Variants in PDE9A observed in about 807,000 individuals in gnomAD.
PDE9A encodes phosphodiesterase 9A.
A neutral mutation model predicts 87.4 loss-of-function variants in PDE9A; 60 were observed. That is an observed-to-expected ratio of 0.69 (90% CI 0.56 to 0.85). The LOEUF is 0.85. Among genes scored for constraint, PDE9A ranks in the 40% least tolerant of loss-of-function variants. The probability of loss-of-function intolerance (pLI) is 0.00; values close to 1 mark genes in which losing one functional copy is unlikely to be tolerated. For synonymous variants in PDE9A, 272 were observed against 279.4 expected (o/e 0.97, Z 0.27); for missense variants, 665 against 779.0 (o/e 0.85, Z 1.74).
At position 42,705,850 on chromosome 21, in the gene PDE9A, C is replaced by G. The variant is rs534826891; in HGVS notation, c.262+6839C>G. Among the ~76,000 whole-genome samples the G allele has an allele frequency of 6.6e-6, 1 of 152,254 alleles. No homozygotes were observed. The highest frequency in any genetic ancestry group is 1.9e-4 in the East Asian group (1 of 5,180). On this transcript the variant is annotated intron_variant, in intron 4 of 19. Transcript: ENST00000291539. This position sits in a 1 kb window ranked among gnomAD's most constrained non-coding sequence, Gnocchi z 4.3. ...GGACCTGTCTCTAGTCACACACACC[C>G]TGTTCAGCCTCTGCATCTGGCCCCC...
rs201186724 is a variant in PDE9A at position 42,705,479 on chromosome 21, ATTGGG to A, written c.262+6470_262+6474del. On this transcript the variant is annotated intron_variant, in intron 4 of 19. Transcript: ENST00000291539. This position sits in a 1 kb window ranked among gnomAD's most constrained non-coding sequence, Gnocchi z 4.3. ...GGCAGGGGAGATGCCTGTGATGAGG[ATTGGG>A]TGCTGTGATCACAGCACGCGGGAAA... 7.8e-3 allele frequency among the ~76,000 whole-genome samples: 1,190 copies of A among 152,082 alleles called. 10 individuals are homozygous for A. The highest frequency in any genetic ancestry group is 0.031 in the Middle Eastern group (9 of 292).
intron 7 of PDE9A, among the ~76,000 whole-genome samples, chr21:42,742,732 T>G (rs1213154977): frequency 6.6e-6 from 1 of 152,116 alleles, no homozygotes; most frequent in Non-Finnish European, 1.5e-5. Flanking sequence ...CCCAAAGTGC[T>G]GGGATTACAG....
At chr21:42,746,792 G>A (rs2053899558) in intron 8 of PDE9A, among the ~76,000 whole-genome samples, 1 of 152,204 alleles carries the variant, frequency 6.6e-6, no homozygotes. Context: ...GGGCTGTGGG[G>A]GGCACCTGGG....
chr21:42,740,334 T>G (rs2052990925), intron 7 of PDE9A, among the ~76,000 whole-genome samples: 1 of 151,730 alleles, frequency 6.6e-6, no homozygotes, highest in Non-Finnish European at 1.5e-5. Flanking sequence ...GACCCTGTTA[T>G]TCAGGAGGCT....
intron 17 of PDE9A, among the ~76,000 whole-genome samples, chr21:42,769,397 G>GCA (rs369718563): frequency 9.2e-6 from 1 of 109,114 alleles, no homozygotes; most frequent in Non-Finnish European, 1.8e-5. Flanking sequence ...GCACACAAAT[G>GCA]CACACACACG....
At chr21:42,755,064 C>T (rs984800005) in intron 10 of PDE9A, among the ~76,000 whole-genome samples, 1 of 152,204 alleles carries the variant, frequency 6.6e-6, no homozygotes, top group Non-Finnish European at 1.5e-5. Context: ...CCTCTTTTCA[C>T]ACCCCAAAAA....
At chr21:42,744,309 C>T (rs1014822619) in intron 8 of PDE9A, among the ~76,000 whole-genome samples, 4 of 152,116 alleles carry the variant, frequency 2.6e-5, no homozygotes, top group African/African-American at 9.6e-5. Flanking sequence ...GCCGAGATCG[C>T]GCCACTGCAC....
intron 1 of PDE9A, among the ~76,000 whole-genome samples, chr21:42,684,340 A>T (rs926087874): frequency 3.3e-5 from 5 of 152,152 alleles, no homozygotes; most frequent in African/African-American, 1.2e-4. Flanking sequence ...TGAGTTACAC[A>T]GGGGCCCACA....
intron 3 of PDE9A, among the ~76,000 whole-genome samples, chr21:42,688,533 C>T (rs979529534): frequency 2.0e-5 from 3 of 152,184 alleles, no homozygotes; most frequent in African/African-American, 7.2e-5. Context: ...CGGTGTATGG[C>T]CCAGGAAGGA....
intron 3 of PDE9A, among the ~76,000 whole-genome samples, chr21:42,697,712 C>T (rs1039485899): frequency 2.7e-4 from 41 of 152,342 alleles, no homozygotes; most frequent in African/African-American, 9.9e-4. Context: ...CAAGAGACAG[C>T]TCTGGTGTCT....
chr21:42,681,648 T>G (rs964972230), intron 1 of PDE9A, among the ~76,000 whole-genome samples: 1 of 152,170 alleles, frequency 6.6e-6, no homozygotes, highest in Non-Finnish European at 1.5e-5. Flanking sequence ...TGTCTCATCA[T>G]TTGTTTCTCT....
At chr21:42,716,008 C>A (rs1048188606) in intron 4 of PDE9A, among the ~76,000 whole-genome samples, 2 of 151,718 alleles carry the variant, frequency 1.3e-5, no homozygotes, top group African/African-American at 2.4e-5. Flanking sequence ...CAGAATAAAG[C>A]CTCTTCAGGT....
intron 3 of PDE9A, among the ~76,000 whole-genome samples, chr21:42,689,321 C>G (rs931695467): frequency 6.6e-6 from 1 of 152,256 alleles, no homozygotes; most frequent in Non-Finnish European, 1.5e-5. Context: ...CCAGGATGCC[C>G]GTCTCCTGCC....
intron 1 of PDE9A, among the ~76,000 whole-genome samples, chr21:42,663,521 C>T (rs73905728): frequency 0.036 from 5,484 of 152,264 alleles, 343 homozygotes; most frequent in African/African-American, 0.12. Context: ...CCCCTTATCT[C>T]ATTGCCCGAT....
intron 1 of PDE9A, among the ~76,000 whole-genome samples, chr21:42,654,791 C>T (rs972040971): frequency 1.3e-5 from 2 of 152,162 alleles, no homozygotes; most frequent in African/African-American, 2.4e-5. Flanking sequence ...TAGATTTAAG[C>T]CAACAAGCCT....
chr21:42,740,704 G>GTAGATAGATAGATAGATAGA (rs58108928), intron 7 of PDE9A, among the ~76,000 whole-genome samples: 20 of 133,442 alleles, frequency 1.5e-4, no homozygotes, highest in South Asian at 2.6e-4. Flanking sequence ...TAGGTAGGTA[G>GTAGATAGATAGATAGATAGA]TAGATAGATA....
chr21:42,697,854 G>A (rs1179243427), intron 3 of PDE9A, among the ~76,000 whole-genome samples: 1 of 152,130 alleles, frequency 6.6e-6, no homozygotes, highest in Non-Finnish European at 1.5e-5. Flanking sequence ...ATATGAATTT[G>A]GGGTGGGGGT....
chr21:42,670,252 C>G, intron 1 of PDE9A, among the ~76,000 whole-genome samples: 1 of 148,766 alleles, frequency 6.7e-6, no homozygotes, highest in East Asian at 1.9e-4. Flanking sequence ...CATACACATA[C>G]ATACATTCAC....
chr21:42,769,628 A>G (rs1390756500), intron 17 of PDE9A, among the ~76,000 whole-genome samples: 1 of 150,472 alleles, frequency 6.6e-6, no homozygotes, highest in Non-Finnish European at 1.5e-5. Context: ...ACACATGCAC[A>G]CACAGGCACA....
Sources: gnomAD v4.1 joint callset for allele counts (sites outside exome capture counted in the v4.1 genomes callset) on GRCh38, gnomAD v4.1.1 for gene constraint, Gnocchi (gnomAD v3.1) non-coding constraint, MANE v1.5 for transcripts, NCBI Gene and HGNC (gene_info 2026-07-23, HGNC 2026-07-21) for gene names.